The following MYO5B variants were observed in gnomAD, a reference collection of about 807,000 sequenced individuals.
MYO5B encodes the protein unconventional myosin-Vb.
Under a neutral mutation model 229.3 loss-of-function variants are expected in MYO5B, and 143 were observed. That is an observed-to-expected ratio of 0.62 (90% CI 0.54 to 0.72). The LOEUF is 0.72. Among genes scored for constraint, MYO5B ranks in the 30% least tolerant of loss-of-function variants. The pLI is 0.00. For synonymous variants in MYO5B, 918 were observed against 885.2 expected, an observed-to-expected ratio of 1.04 and a Z score of -0.66; for missense variants, 2,321 against 2,331.0, an observed-to-expected ratio of 1.00 and a Z score of 0.09.
chr18:49,844,706 ATT>A (rs2024103540), intron 33 of MYO5B, among the ~76,000 whole-genome samples: 1 of 152,242 alleles, frequency 6.6e-6, no homozygotes, highest in Admixed American at 6.5e-5. Context: ...AATGCCAGTC[ATT>A]TATCCAGGAA....
At chr18:49,923,097 C>T (rs750897441) in intron 17 of MYO5B, among the ~76,000 whole-genome samples, 6 of 152,150 alleles carry the variant, frequency 3.9e-5, no homozygotes, top group Admixed American at 1.3e-4. Flanking sequence ...GGGCAGTGAG[C>T]GGCCAGAAAA....
intron 18 of MYO5B, among the ~76,000 whole-genome samples, chr18:49,910,042 T>C (rs1363934943): frequency 6.6e-6 from 1 of 152,106 alleles, no homozygotes; most frequent in African/African-American, 2.4e-5. Context: ...AAGAGTGACA[T>C]GAAGTGCCAC....
At chr18:49,960,970 G>A (rs1034902632) in intron 12 of MYO5B, among the ~76,000 whole-genome samples, 1 of 152,200 alleles carries the variant, frequency 6.6e-6, no homozygotes, top group Non-Finnish European at 1.5e-5. Flanking sequence ...GCCTGGGTTG[G>A]ACACAAGACA....
rs868633571 is a variant in MYO5B, at chr18:49,856,745, C to T, written c.4022+68G>A. Reference sequence around the variant, plus strand: ...TCTCGCACCCACTGTAGCTGAAAAACGGTTAAGCATAGACATGAGCAGGCC... The same window carrying T: ...TCTCGCACCCACTGTAGCTGAAAAATGGTTAAGCATAGACATGAGCAGGCC... On this transcript the variant is annotated intron_variant, in intron 30 of 39. Transcript: ENST00000285039. 92 of 1,347,114 alleles carry T rather than the reference C, an allele frequency of 6.8e-5. 1 individual carries two copies. The highest frequency in any genetic ancestry group is 3.6e-4 in the Middle Eastern group (2 of 5,528). The allele number at this position is 1,347,114 out of a possible 1,614,324, so 83.4% of individuals were successfully genotyped here. A position where few individuals can be genotyped will look rare whatever the true frequency, so the allele number is the denominator to read the frequency against.
At chr18:49,875,902 C>T in intron 25 of MYO5B, 75 bp from the exon 26 acceptor site, 2 of 1,550,346 alleles carry the variant, frequency 1.3e-6, no homozygotes, top group South Asian at 1.1e-5. Flanking sequence ...ACTTCACTGC[C>T]TCCCTCTATA....
chr18:49,921,432 G>A (rs574355575), intron 17 of MYO5B, among the ~76,000 whole-genome samples: 3 of 152,226 alleles, frequency 2.0e-5, no homozygotes, highest in East Asian at 1.9e-4. Context: ...GCTGGGTGAC[G>A]GGTGGAAAAG....
intron 17 of MYO5B, among the ~76,000 whole-genome samples, chr18:49,916,839 AC>A (rs2025021083): frequency 6.6e-6 from 1 of 152,230 alleles, no homozygotes. Flanking sequence ...GAGAAAACAA[AC>A]CCTCAGAGAT....
intron 2 of MYO5B, among the ~76,000 whole-genome samples, chr18:50,044,896 G>A (rs773537644): frequency 3.0e-4 from 46 of 151,730 alleles, no homozygotes; most frequent in African/African-American, 4.4e-4. Context: ...GCAAGTAGGA[G>A]GGGGGAAAAA....
At chr18:50,131,081 C>T (rs2032247293) in intron 1 of MYO5B, among the ~76,000 whole-genome samples, 1 of 152,210 alleles carries the variant, frequency 6.6e-6, no homozygotes, top group African/African-American at 2.4e-5. Context: ...CTGCTTAGGT[C>T]ACAGGGCTTT....
Position 50,194,978 on chromosome 18 carries a change from C to A in MYO5B, c.-185G>T. 1 of 847,030 alleles carries A rather than the reference C, an allele frequency of 1.2e-6. No individual in the cohort carries two copies. The highest frequency in any genetic ancestry group is 1.5e-6 in the Non-Finnish European group (1 of 646,108). The allele number at this position is 847,030 out of a possible 1,614,324, so 52.5% of individuals were successfully genotyped here. ...GCCGGCTCGCTCCCGGCGGCGCGAC[C>A]TTTACTCCCGCCGCGGCGGCGCAGC... is the stretch of plus-strand genomic sequence containing the variant. On this transcript the variant is annotated 5_prime_UTR_variant, in exon 1 of 40. In the 5' UTR this introduces an upstream ATG that the reference lacks. Transcript: ENST00000285039.
At chr18:49,915,642 G>A (rs1320365607) in intron 17 of MYO5B, among the ~76,000 whole-genome samples, 2 of 152,344 alleles carry the variant, frequency 1.3e-5, no homozygotes, top group East Asian at 3.9e-4. Flanking sequence ...TCTGACAGGA[G>A]GCTTTAACAA....
chr18:49,940,264 C>T (rs1258857954), intron 14 of MYO5B, among the ~76,000 whole-genome samples: 1 of 152,184 alleles, frequency 6.6e-6, no homozygotes, highest in Non-Finnish European at 1.5e-5. Context: ...GGCCCTGGCT[C>T]ATCTCCCTTC....
Position 49,904,737 on chromosome 18 carries a change from G to T in MYO5B, c.2506C>A (p.Arg836Ser). The T allele has an allele frequency of 6.2e-7, 1 of 1,614,014 alleles. No individual in the cohort carries two copies. Among genetic ancestry groups the T allele is most frequent in the African/African-American group, 1.3e-5 (1 of 75,036 alleles). ...QRARQAYQRV[R>S]RAAVVIQAFT... is the part of the protein sequence containing the mutation. ...GCCTGGATAACAACGGCAGCTCTGC[G>T]GACCCTCTGGTAGGCCTGGCGGGCC... The change falls in exon 20 of 40, where the codon CGC becomes AGC. Residue 836 changes from arginine to serine, a missense_variant. Physicochemically the swap from Arg to Ser is moderately radical, Grantham distance 110 (BLOSUM62 -1). Transcript: ENST00000285039.
intron 33 of MYO5B, among the ~76,000 whole-genome samples, chr18:49,843,736 C>T (rs535367927): frequency 6.6e-6 from 1 of 152,296 alleles, no homozygotes; most frequent in Admixed American, 6.5e-5. Flanking sequence ...CCAACAGGGG[C>T]CCATGGCAAG....
chr18:50,127,815 C>T (rs1311760549), intron 1 of MYO5B, among the ~76,000 whole-genome samples: 2 of 152,340 alleles, frequency 1.3e-5, no homozygotes, highest in East Asian at 1.9e-4. Context: ...CTGAGTAAAG[C>T]AGGTTGCCCT....
intron 4 of MYO5B, among the ~76,000 whole-genome samples, chr18:50,019,709 G>A (rs781002942): frequency 2.0e-5 from 3 of 152,150 alleles, no homozygotes; most frequent in Admixed American, 6.5e-5. Flanking sequence ...TAGAATGAGC[G>A]CAAGACTGGG....
intron 10 of MYO5B, among the ~76,000 whole-genome samples, chr18:49,973,426 C>T (rs1223627240): frequency 2.6e-5 from 4 of 152,174 alleles, no homozygotes; most frequent in Non-Finnish European, 4.4e-5. Context: ...AGCAGTTGTT[C>T]GCACTAGAGT....
At chr18:49,904,921 C>G (rs2024882879) in intron 19 of MYO5B, 93 bp from the exon 20 acceptor site, 3 of 1,452,178 alleles carry the variant, frequency 2.1e-6, no homozygotes, top group Non-Finnish European at 2.8e-6. Flanking sequence ...GCAAACCTCT[C>G]CCTCTGTGGC....
chr18:50,084,272 G>T (rs1359323927), intron 1 of MYO5B, among the ~76,000 whole-genome samples: 1 of 151,994 alleles, frequency 6.6e-6, no homozygotes, highest in African/African-American at 2.4e-5. Context: ...CTCTTTCTGG[G>T]TTATACTCAG....
Sources: allele counts gnomAD v4.1 joint callset (sites outside exome capture counted in the v4.1 genomes callset), GRCh38; gene constraint gnomAD v4.1.1; transcripts MANE v1.5; gene names NCBI Gene and HGNC (gene_info 2026-07-23, HGNC 2026-07-21).